Variants in DYNC2I1 observed in about 807,000 individuals in gnomAD.
DYNC2I1 encodes the protein cytoplasmic dynein 2 intermediate chain 1.
DYNC2I1 carries 89 observed loss-of-function variants against 133.4 expected under a neutral mutation model. The ratio of observed to expected loss-of-function variants is 0.67; its 90% CI spans 0.56 to 0.80. The LOEUF (loss-of-function observed/expected upper bound fraction) is 0.80, where lower values mean the gene tolerates loss of function less well. Ranked by LOEUF, DYNC2I1 falls within the 30% of genes least tolerant of loss-of-function variation. The probability of loss-of-function intolerance (pLI) is 0.00; values close to 1 mark genes in which losing one functional copy is unlikely to be tolerated. For synonymous variants in DYNC2I1, 504 were observed against 484.3 expected (o/e 1.04, Z -0.54); for missense variants, 1,291 against 1,314.5 (o/e 0.98, Z 0.28).
At chr7:158,854,499 CG>C (rs561518175), upstream of DYNC2I1, among the ~76,000 whole-genome samples, 14 of 28,874 alleles carry the variant, frequency 4.8e-4, no homozygotes, top group East Asian at 2.5e-3. Context: ...GGGGGTCTGT[CG>C]GGGGGGGCTG....
chr7:158,844,259 C>T, the DYNC2I1 span, among the ~76,000 whole-genome samples: 1 of 152,162 alleles, frequency 6.6e-6, no homozygotes. Context: ...CTTGTCTTAA[C>T]GTTTCTTTCC....
At chr7:158,915,022 T>G (rs1162987256) in intron 14 of DYNC2I1, among the ~76,000 whole-genome samples, 1 of 152,084 alleles carries the variant, frequency 6.6e-6, no homozygotes, top group Non-Finnish European at 1.5e-5. Context: ...ACTGCAGCAC[T>G]GAAGAGTGGA....
intron 3 of DYNC2I1, among the ~76,000 whole-genome samples, chr7:158,871,930 T>C (rs1234553727): frequency 6.6e-6 from 1 of 152,254 alleles, no homozygotes; most frequent in Non-Finnish European, 1.5e-5. Context: ...TTTTCACAAA[T>C]GTTTTATCTT....
At chr7:158,839,830 AAGAGAT>A in the DYNC2I1 span, among the ~76,000 whole-genome samples, 2 of 151,342 alleles carry the variant, frequency 1.3e-5, no homozygotes, top group African/African-American at 4.9e-5. Context: ...AAAAAAAAAA[AAGAGAT>A]GAGGTCTCGC....
intron 1 of DYNC2I1, among the ~76,000 whole-genome samples, chr7:158,857,466 C>T (rs1841383044): frequency 6.6e-6 from 1 of 151,906 alleles, no homozygotes; most frequent in Admixed American, 6.6e-5. Flanking sequence ...ATTATTTTTT[C>T]CCCATCACTT....
chr7:158,913,743 C>G (rs533170630), intron 13 of DYNC2I1, among the ~76,000 whole-genome samples: 14 of 152,200 alleles, frequency 9.2e-5, no homozygotes, highest in African/African-American at 3.4e-4. Context: ...GAGCCTTGCT[C>G]TGTCACCCAG....
At chr7:158,924,170 C>T (rs1219713177) in intron 17 of DYNC2I1, among the ~76,000 whole-genome samples, 1 of 152,242 alleles carries the variant, frequency 6.6e-6, no homozygotes. Flanking sequence ...CCAGCCACCA[C>T]AGTAGGCACC....
chr7:158,893,986 T>TCACAC (rs1379551747), intron 8 of DYNC2I1, among the ~76,000 whole-genome samples: 1 of 152,120 alleles, frequency 6.6e-6, no homozygotes, highest in Non-Finnish European at 1.5e-5. Flanking sequence ...GTAATGCATG[T>TCACAC]CACACCACAT....
At chr7:158,933,646 G>A (rs1255265672) in intron 21 of DYNC2I1, among the ~76,000 whole-genome samples, 1 of 152,214 alleles carries the variant, frequency 6.6e-6, no homozygotes, top group Non-Finnish European at 1.5e-5. Flanking sequence ...GCCTCAGTGG[G>A]TTCATAGTTA....
rs74966307 is a variant in DYNC2I1 at position 158,882,971 on chromosome 7, C to T, written c.880-1593C>T. On this transcript the variant is annotated intron_variant, in intron 5 of 24. Coordinates refer to ENST00000407559, the MANE Select transcript of DYNC2I1 (RefSeq NM_018051.5). ...GTATAATTAAAGATTTTTTCCTTTGCGTTGACTTTCAGAAATTCAAAACTT... is the reference window on the plus strand; with the variant it reads ...GTATAATTAAAGATTTTTTCCTTTGTGTTGACTTTCAGAAATTCAAAACTT... Among the ~76,000 whole-genome samples the T allele has an allele frequency of 6.2e-3, 939 of 151,526 alleles. 60 individuals carry two copies. The East Asian group carries it at 0.13, about 21-fold the overall frequency.
chr7:158,944,074 G>A (rs1851644882), intron 24 of DYNC2I1, among the ~76,000 whole-genome samples: 1 of 152,204 alleles, frequency 6.6e-6, no homozygotes, highest in Admixed American at 6.5e-5. Flanking sequence ...CGGATGTTTG[G>A]AAGGAAGGAG....
At chr7:158,926,692 G>A (rs948664243) in intron 19 of DYNC2I1, among the ~76,000 whole-genome samples, 10 of 152,252 alleles carry the variant, frequency 6.6e-5, no homozygotes, top group African/African-American at 9.6e-5. Flanking sequence ...CTTTGGGAAC[G>A]CGGAATGAAA....
intron 7 of DYNC2I1, among the ~76,000 whole-genome samples, chr7:158,887,692 T>TCC (rs2129480957): frequency 6.6e-6 from 1 of 152,324 alleles, no homozygotes; most frequent in African/African-American, 2.4e-5. Context: ...GTTACAGATC[T>TCC]CCCCACAAAG....
the DYNC2I1 span, among the ~76,000 whole-genome samples, chr7:158,847,012 T>G: frequency 2.0e-5 from 3 of 152,216 alleles, no homozygotes; most frequent in Non-Finnish European, 4.4e-5. Context: ...TTAATTGACT[T>G]AAAGAAAAGT....
Position 158,879,540 on chromosome 7 carries a change from A to G in DYNC2I1, c.574-144A>G, listed in dbSNP as rs547600250. ...GTAATGACAAGGAAAAAGTCTGTAC[A>G]TGTTTACTACAGACACGATTTTCTT... On this transcript the variant is annotated intron_variant, in intron 4 of 24. Coordinates refer to ENST00000407559, the MANE Select transcript of DYNC2I1 (RefSeq NM_018051.5). The G allele has an allele frequency of 9.6e-5, 77 of 802,142 alleles. No individual in the cohort carries two copies. The African/African-American group carries it at 1.3e-3, about 13-fold the overall frequency. The allele number at this position is 802,142 out of a possible 1,614,324, so 49.7% of individuals were successfully genotyped here. A position where few individuals can be genotyped will look rare whatever the true frequency, so the allele number is the denominator to read the frequency against.
chr7:158,856,566 CCGCAGGGCA>C lies in DYNC2I1; in HGVS notation c.-166_-158del, dbSNP rs1563060774. The C allele has an allele frequency of 4.7e-6, 3 of 638,644 alleles. No homozygotes were observed. In the African/African-American group the frequency reaches 5.7e-5, roughly 12 times the overall value. The allele number at this position is 638,644 out of a possible 1,614,324, so 39.6% of individuals were successfully genotyped here. On this transcript the variant is annotated 5_prime_UTR_variant, in exon 1 of 25. Coordinates refer to ENST00000407559, the MANE Select transcript of DYNC2I1 (RefSeq NM_018051.5). Reference sequence around the variant, plus strand: ...GGATGCGCAGGCGCACTGGGAGAGGCCGCAGGGCACGCTGGGCAGTGCTTCTGGGCCCTC... The same window carrying C: ...GGATGCGCAGGCGCACTGGGAGAGGCCGCTGGGCAGTGCTTCTGGGCCCTC...
chr7:158,888,298 C>T (rs1234309290), intron 7 of DYNC2I1, among the ~76,000 whole-genome samples: 1 of 152,102 alleles, frequency 6.6e-6, no homozygotes, highest in Non-Finnish European at 1.5e-5. Context: ...GCTGGGATTA[C>T]AGGCGTGAGC....
chr7:158,942,014 G>A lies in DYNC2I1; in HGVS notation c.2868G>A (p.Ala956=), dbSNP rs745877834. The part of the protein sequence containing the change: ...LQWDSSTDSH[A]VTGLQWSPTR... Reference sequence around the variant, plus strand: ...GGGACAGCAGCACGGACAGCCATGCGGTCACCGGCCTGCAGTGGTCCCCAA... The same window carrying A: ...GGGACAGCAGCACGGACAGCCATGCAGTCACCGGCCTGCAGTGGTCCCCAA... Residue 956 remains alanine, a synonymous_variant, in exon 24 of 25, where the codon GCG becomes GCA. Coordinates refer to ENST00000407559, the MANE Select transcript of DYNC2I1 (RefSeq NM_018051.5). 39 of 1,613,420 alleles carry A rather than the reference G, an allele frequency of 2.4e-5. 1 individual carries two copies. In the East Asian group the frequency reaches 6.7e-4, roughly 28 times the overall value.
chr7:158,890,651 G>A (rs549283250), intron 7 of DYNC2I1, among the ~76,000 whole-genome samples: 2 of 151,664 alleles, frequency 1.3e-5, no homozygotes, highest in Non-Finnish European at 2.9e-5. Flanking sequence ...AGGCTGGAGT[G>A]CAACCTCTGC....
Sources: gnomAD v4.1 joint callset for allele counts (sites outside exome capture counted in the v4.1 genomes callset) on GRCh38, gnomAD v4.1.1 for gene constraint, MANE v1.5 for transcripts, NCBI Gene and HGNC (gene_info 2026-07-23, HGNC 2026-07-21) for gene names.